ROBO2: variants seen among roughly 807,000 people sequenced by gnomAD.
The protein encoded by ROBO2 is roundabout guidance receptor 2.
A neutral mutation model predicts 160.8 loss-of-function variants in ROBO2; 53 were observed. That is an observed-to-expected ratio of 0.33 (90% CI 0.26 to 0.41). The LOEUF is 0.41. Among genes scored for constraint, ROBO2 ranks in the 10% least tolerant of loss-of-function variants. ROBO2 has a pLI of 1.00. For synonymous variants in ROBO2, 664 were observed against 611.7 expected (o/e 1.09, Z -1.26); for missense variants, 1,577 against 1,722.4 (o/e 0.92, Z 1.49).
chr3:76,436,181 C>CACACA (rs1559941598), intron 2 of ROBO2, among the ~76,000 whole-genome samples: 1 of 151,250 alleles, frequency 6.6e-6, no homozygotes, highest in Non-Finnish European at 1.5e-5. Flanking sequence ...CACACACACA[C>CACACA]CATTTCTTTT....
At chr3:76,277,084 A>T (rs985342719) in intron 2 of ROBO2, among the ~76,000 whole-genome samples, 1 of 152,042 alleles carries the variant, frequency 6.6e-6, no homozygotes, top group Admixed American at 6.6e-5. Context: ...CACTATCTCA[A>T]CCACCCATGT....
At chr3:76,053,506 G>A (rs1237805268) in intron 2 of ROBO2, among the ~76,000 whole-genome samples, 1 of 151,930 alleles carries the variant, frequency 6.6e-6, no homozygotes, top group Non-Finnish European at 1.5e-5. Context: ...TAACATGTAT[G>A]TATATTTTAG....
intron 2 of ROBO2, among the ~76,000 whole-genome samples, chr3:77,454,636 T>C (rs2081436434): frequency 6.6e-6 from 1 of 152,210 alleles, no homozygotes; most frequent in African/African-American, 2.4e-5. Flanking sequence ...ACTTCACAGT[T>C]TGGCATTTTG....
At chr3:76,249,966 A>G (rs1187042662) in intron 2 of ROBO2, among the ~76,000 whole-genome samples, 2 of 152,048 alleles carry the variant, frequency 1.3e-5, no homozygotes, top group South Asian at 4.1e-4. Context: ...TTAATATGTT[A>G]AGGTATGTTG....
At chr3:76,157,746 GTAAATAC>G (rs1330179160) in intron 2 of ROBO2, among the ~76,000 whole-genome samples, 3 of 152,130 alleles carry the variant, frequency 2.0e-5, no homozygotes, top group Middle Eastern at 3.2e-3. Context: ...TTCCTAATTT[GTAAATAC>G]TCTTTTCTTT....
rs535934385 is a variant in ROBO2 at position 76,694,925 on chromosome 3, G to A, written c.110-403089G>A. ...TCAAGACCAGCATGGCCAACATGGT[G>A]AAACCCCATTTCTACTAAAAATACA... On this transcript the variant is annotated intron_variant, in intron 2 of 26. Coordinates refer to the ROBO2 transcript ENST00000487694. Among the ~76,000 whole-genome samples the A allele has an allele frequency of 6.8e-4, 103 of 152,126 alleles. No homozygotes were observed. The Middle Eastern group carries it at 0.014, about 20-fold the overall frequency.
chr3:76,647,616 G>T (rs923989980), intron 2 of ROBO2, among the ~76,000 whole-genome samples: 1 of 152,170 alleles, frequency 6.6e-6, no homozygotes, highest in Admixed American at 6.5e-5. Context: ...GGCAAAAATG[G>T]TGAAGCTGTG....
intron 2 of ROBO2, among the ~76,000 whole-genome samples, chr3:77,176,963 C>G (rs1192988276): frequency 2.0e-5 from 3 of 151,776 alleles, no homozygotes; most frequent in Non-Finnish European, 4.4e-5. Context: ...AGCATGTCTT[C>G]AAATTTTTCT....
chr3:77,131,240 G>A (rs1343746365), intron 2 of ROBO2, among the ~76,000 whole-genome samples: 1 of 152,124 alleles, frequency 6.6e-6, no homozygotes, highest in Non-Finnish European at 1.5e-5. Flanking sequence ...TCTGAGATAT[G>A]CTGAAGGCAT....
chr3:76,506,946 A>G (rs902298165), intron 2 of ROBO2, among the ~76,000 whole-genome samples: 3 of 152,222 alleles, frequency 2.0e-5, no homozygotes, highest in Non-Finnish European at 4.4e-5. Flanking sequence ...ATCTTCTAAT[A>G]AAAGTTATGA....
intron 2 of ROBO2, among the ~76,000 whole-genome samples, chr3:76,958,741 C>G (rs2149219816): frequency 6.6e-6 from 1 of 152,254 alleles, no homozygotes; most frequent in Middle Eastern, 3.4e-3. Flanking sequence ...TCCACATGGT[C>G]ACTTGATGAA....
chr3:76,415,797 A>G (rs972078978), intron 2 of ROBO2, among the ~76,000 whole-genome samples: 1 of 152,246 alleles, frequency 6.6e-6, no homozygotes, highest in Non-Finnish European at 1.5e-5. Context: ...TTATAAAAAA[A>G]TGAAAATCAG....
At chr3:77,495,605 G>A (rs146760900) in intron 5 of ROBO2, among the ~76,000 whole-genome samples, 1 of 152,268 alleles carries the variant, frequency 6.6e-6, no homozygotes, top group East Asian at 1.9e-4. Context: ...TAACAACCTT[G>A]AAGGGAAGTG....
intron 8 of ROBO2, 74 bp from the exon 10 acceptor site, chr3:77,557,870 C>T (rs1268068881): frequency 8.5e-7 from 1 of 1,177,004 alleles, no homozygotes; most frequent in African/African-American, 1.5e-5. Context: ...TTTAACCTTA[C>T]TTTCAGTGTC....
chr3:76,357,506 T>C (rs981116337), intron 2 of ROBO2, among the ~76,000 whole-genome samples: 2 of 152,026 alleles, frequency 1.3e-5, no homozygotes, highest in Non-Finnish European at 2.9e-5. Flanking sequence ...AATCTAGTGA[T>C]ACAAATCTCA....
At chr3:76,174,928 C>T (rs1296830013) in intron 2 of ROBO2, among the ~76,000 whole-genome samples, 2 of 152,118 alleles carry the variant, frequency 1.3e-5, no homozygotes, top group African/African-American at 2.4e-5. Flanking sequence ...ATGGGAATAG[C>T]ATTGGATCTA....
intron 2 of ROBO2, among the ~76,000 whole-genome samples, chr3:77,129,962 A>ATT (rs1461631278): frequency 1.3e-5 from 2 of 152,110 alleles, no homozygotes; most frequent in Non-Finnish European, 2.9e-5. Flanking sequence ...CAGATTGAGA[A>ATT]ATGACTTCTT....
chr3:76,110,687 G>A (rs767198349), intron 2 of ROBO2, among the ~76,000 whole-genome samples: 7 of 151,890 alleles, frequency 4.6e-5, no homozygotes, highest in Non-Finnish European at 8.8e-5. Context: ...GAAAAACTTT[G>A]AAAATATAGA....
chr3:76,384,100 C>G (rs1007443260), intron 2 of ROBO2, among the ~76,000 whole-genome samples: 1 of 152,198 alleles, frequency 6.6e-6, no homozygotes, highest in African/African-American at 2.4e-5. Flanking sequence ...CCATGTTAAT[C>G]AAGGGCATAT....
Sources: allele counts gnomAD v4.1 joint callset (sites outside exome capture counted in the v4.1 genomes callset), GRCh38; gene constraint gnomAD v4.1.1; transcripts MANE v1.5; gene names NCBI Gene and HGNC (gene_info 2026-07-23, HGNC 2026-07-21).